KLHL31: variants seen among roughly 807,000 people sequenced by gnomAD.
The protein encoded by KLHL31 is kelch like family member 31.
A neutral mutation model predicts 47.1 loss-of-function variants in KLHL31; 32 were observed. That is an observed-to-expected ratio of 0.68 (90% CI 0.51 to 0.91). The LOEUF is 0.91. KLHL31 is among the 40% of genes least tolerant of loss of function. KLHL31 has a pLI of 0.00. For synonymous variants in KLHL31, 330 were observed against 325.1 expected, an observed-to-expected ratio of 1.01 and a Z score of -0.16; for missense variants, 797 against 819.3, an observed-to-expected ratio of 0.97 and a Z score of 0.33.
At chr6:53,656,931 C>CTTTTTTT (rs10665063) in intron 1 of KLHL31, among the ~76,000 whole-genome samples, 8,072 of 98,220 alleles carry the variant, frequency 0.082, 828 homozygotes, top group East Asian at 0.23. Context: ...GTATTTTTAA[C>CTTTTTTT]TTTTTTTTTT....
chr6:53,653,323 A>G (rs1484127324), intron 2 of KLHL31, among the ~76,000 whole-genome samples: 2 of 152,234 alleles, frequency 1.3e-5, no homozygotes, highest in African/African-American at 4.8e-5. Flanking sequence ...TACACACATA[A>G]TGGAATAATA....
Position 53,649,054 on chromosome 6 carries a change from A to T in KLHL31, c.*2544T>A, listed in dbSNP as rs1764431552. 6.6e-6 allele frequency: 1 copy of T among 152,192 alleles called. No individual in the cohort carries two copies. The highest frequency in any genetic ancestry group is 2.4e-5 in the African/African-American group (1 of 41,456). 9.4% of individuals were successfully genotyped at this position (152,192 alleles called of 1,614,324 possible). On this transcript the variant is annotated 3_prime_UTR_variant, in exon 3 of 3. Transcript: ENST00000370905. ...GAGTAATTGAATGTAAGCTTAAAACATACTAAATATTTTCCACTTGGGAAA... is the reference window on the plus strand; with the variant it reads ...GAGTAATTGAATGTAAGCTTAAAACTTACTAAATATTTTCCACTTGGGAAA...
At position 53,651,666 on chromosome 6, in the gene KLHL31, A is replaced by G. The variant is rs202117315; in HGVS notation, c.1837T>C (p.Ser613Pro). 8.3e-5 allele frequency: 134 copies of G among 1,614,032 alleles called. No individual in the cohort carries two copies. Among genetic ancestry groups the G allele is most frequent in the Non-Finnish European group, 5.3e-5 (63 of 1,180,024 alleles). ...TCCCGAGTCACGTTGTTGGGCATCG[A>G]GAGGGTGCAGCAGGACACGCCGACA... ...ATVGVSCCTL[S>P]MPNNVTRESR... The change falls in exon 3 of 3, where the codon TCG (serine) becomes CCG (proline). Residue 613 changes from serine (S) to proline (P), a missense_variant. Ser to Pro is a moderately conservative substitution (Grantham distance 74, BLOSUM62 -1). Transcript: ENST00000370905.
At chr6:53,653,923 A>G (rs1438120993) in intron 2 of KLHL31, among the ~76,000 whole-genome samples, 178 bp downstream of exon 2, 2 of 152,366 alleles carry the variant, frequency 1.3e-5, no homozygotes, top group African/African-American at 2.4e-5. Context: ...AGTGCAAAAT[A>G]TAAATGAATG....
chr6:53,649,749 T>G lies in KLHL31; in HGVS notation c.*1849A>C, dbSNP rs1764439027. ...ATAAAACACCCTTTTCTCCAAAAAT[T>G]AACCATATACTATAGGCTTCTCAGT... On this transcript the variant is annotated 3_prime_UTR_variant, in exon 3 of 3. Coordinates refer to ENST00000370905, the MANE Select transcript of KLHL31 (RefSeq NM_001003760.5). 6.6e-6 allele frequency: 1 copy of G among 152,178 alleles called. No homozygotes were observed. 9.4% of individuals were successfully genotyped at this position (152,178 alleles called of 1,614,324 possible).
intron 1 of KLHL31, among the ~76,000 whole-genome samples, chr6:53,657,549 A>G (rs1764580430): frequency 1.3e-5 from 2 of 151,256 alleles, no homozygotes; most frequent in Admixed American, 1.3e-4. Context: ...ACATTGTTCA[A>G]CTATTATCCT....
rs745416773 is a variant in KLHL31, at chr6:53,654,100, C to T, written c.1172+1G>A. The T allele has an allele frequency of 1.3e-6, 2 of 1,591,686 alleles. No homozygotes were observed. The highest frequency in any genetic ancestry group is 4.5e-5 in the East Asian group (2 of 44,798). ...TCAGTTCCTAATAAAAGATCAAGTA[C>T]CTGCAGAAATTGCTGACTGCATGCT... On this transcript the variant is annotated splice_donor_variant, in intron 2 of 2. Coordinates refer to ENST00000370905, the MANE Select transcript of KLHL31 (RefSeq NM_001003760.5). LOFTEE classifies it high-confidence loss of function.
chr6:53,664,695 G>A lies in KLHL31; in HGVS notation c.-34+906C>T, dbSNP rs75375403. Among the ~76,000 whole-genome samples the A allele has an allele frequency of 7.7e-3, 1,166 of 152,320 alleles. 16 individuals carry two copies. The highest frequency in any genetic ancestry group is 0.026 in the African/African-American group (1,084 of 41,560). On this transcript the variant is annotated intron_variant, in intron 1 of 2. Coordinates refer to ENST00000370905, the MANE Select transcript of KLHL31 (RefSeq NM_001003760.5). ...ATGCTTCCTGGGAGTCCACAACAGG[G>A]TAAACTGGAAAGCCATGTGTGCTAA...
chr6:53,658,053 A>T (rs1439749370), intron 1 of KLHL31, among the ~76,000 whole-genome samples: 1 of 152,072 alleles, frequency 6.6e-6, no homozygotes, highest in Non-Finnish European at 1.5e-5. Context: ...TCTTTGTTGG[A>T]TTTTCTGGGA....
Position 53,652,308 on chromosome 6 carries a change from A to G in KLHL31, c.1195T>C (p.Trp399Arg). Reference protein sequence around the residue: ...FCRYDPRFNTWIHLASMNQKR... With the variant: ...FCRYDPRFNTRIHLASMNQKR... Reference sequence around the variant, plus strand: ...TGGTTCATGCTGGCCAGGTGTATCCAGGTGTTGAAGCGGGGATCGTATCTG... The same window carrying G: ...TGGTTCATGCTGGCCAGGTGTATCCGGGTGTTGAAGCGGGGATCGTATCTG... The change falls in exon 3 of 3, where the codon TGG (tryptophan) becomes CGG (arginine). Residue 399 changes from tryptophan to arginine, a missense_variant. Coordinates refer to ENST00000370905, the MANE Select transcript of KLHL31 (RefSeq NM_001003760.5). 1 of 1,614,076 alleles carries G rather than the reference A, an allele frequency of 6.2e-7. No individual in the cohort carries two copies. The highest frequency in any genetic ancestry group is 8.5e-7 in the Non-Finnish European group (1 of 1,180,032).
In KLHL31 at chr6:53,663,808, A is replaced by G. The variant is rs1241548841; in HGVS notation, c.-34+1793T>C. Among the ~76,000 whole-genome samples the G allele has an allele frequency of 2.6e-5, 4 of 151,990 alleles. No homozygotes were observed. In the East Asian group the frequency reaches 7.7e-4, roughly 29 times the overall value. ...AGGAGGTTAGAAATTGAGTTTTAAG[A>G]CTGATGCCTTTTTGATTATCATAGA... is the stretch of plus-strand genomic sequence containing the variant. On this transcript the variant is annotated intron_variant, in intron 1 of 2. Coordinates refer to ENST00000370905, the MANE Select transcript of KLHL31 (RefSeq NM_001003760.5).
chr6:53,652,358 C>T lies in KLHL31; in HGVS notation c.1173-28G>A, dbSNP rs184195650. ...GGAAATGATAGAGAAGGTGTAACAG[C>T]TTTGTCGGCGGCAGCTGGGGACCCC... On this transcript the variant is annotated intron_variant, in intron 2 of 2. Transcript: ENST00000370905. 1,766 of 1,610,974 alleles carry T rather than the reference C, an allele frequency of 1.1e-3. 3 individuals carry two copies. The highest frequency in any genetic ancestry group is 5.3e-3 in the Middle Eastern group (32 of 6,056).
intron 1 of KLHL31, among the ~76,000 whole-genome samples, chr6:53,663,636 C>T (rs1764678538): frequency 6.6e-6 from 1 of 152,198 alleles, no homozygotes; most frequent in Non-Finnish European, 1.5e-5. Flanking sequence ...AGTATACAGA[C>T]TCTATGCACT....
intron 1 of KLHL31, among the ~76,000 whole-genome samples, chr6:53,656,931 C>CTTTTTTTTTTTTTT (rs10665063): frequency 7.1e-5 from 7 of 98,428 alleles, no homozygotes; most frequent in Non-Finnish European, 1.3e-4. Flanking sequence ...GTATTTTTAA[C>CTTTTTTTTTTTTTT]TTTTTTTTTT....
chr6:53,662,736 T>C (rs1764665175), intron 1 of KLHL31, among the ~76,000 whole-genome samples: 1 of 152,226 alleles, frequency 6.6e-6, no homozygotes, highest in South Asian at 2.1e-4. Flanking sequence ...TCTTGGGCCA[T>C]TTCTAGTGCC....
Position 53,660,502 on chromosome 6 carries a change from G to A in KLHL31, c.-34+5099C>T, listed in dbSNP as rs370110623. On this transcript the variant is annotated intron_variant, in intron 1 of 2. Transcript: ENST00000370905. ...AAAATGAGGAGAAGGAGAGGAACAG[G>A]CAGGAGACCATTTAAGAAACTTGAA... 1.9e-4 allele frequency among the ~76,000 whole-genome samples: 29 copies of A among 152,256 alleles called. No homozygotes were observed. In the East Asian group the frequency reaches 4.1e-3, roughly 21 times the overall value.
Position 53,654,793 on chromosome 6 carries a change from A to T in KLHL31, c.480T>A (p.Ser160Arg), listed in dbSNP as rs1217880043. Residue 160 changes from serine (S) to arginine (R), a missense_variant, in exon 2 of 3, where the codon AGT (serine) becomes AGA (arginine). By Grantham distance (110) the Ser-to-Arg change is moderately radical. Coordinates refer to ENST00000370905, the MANE Select transcript of KLHL31 (RefSeq NM_001003760.5). ...LQIHTLVKMC[S>R]DFLIREMSVE... ...CACTCATCTCCCGTATCAGAAAATCACTGCACATCTTTACAAGAGTATGGA... is the reference window on the plus strand; with the variant it reads ...CACTCATCTCCCGTATCAGAAAATCTCTGCACATCTTTACAAGAGTATGGA... 1.9e-6 allele frequency: 3 copies of T among 1,614,150 alleles called. No homozygotes were observed. Among genetic ancestry groups the T allele is most frequent in the Non-Finnish European group, 2.5e-6 (3 of 1,180,030 alleles).
rs369195807 is a variant in KLHL31, at chr6:53,661,201, G to A, written c.-34+4400C>T. ...TGCTTTTCTCAACTTAAGGAGAACC[G>A]TAGTCTAGTAAGAATCAATAAGCCA... is the stretch of plus-strand genomic sequence containing the variant. On this transcript the variant is annotated intron_variant, in intron 1 of 2. Transcript: ENST00000370905. Among the ~76,000 whole-genome samples, 86 of 152,330 alleles carry A rather than the reference G, an allele frequency of 5.6e-4. No homozygotes were observed. In the South Asian group the frequency reaches 5.8e-3, roughly 10 times the overall value.
At chr6:53,665,045 AT>A (rs764011866) in intron 1 of KLHL31, among the ~76,000 whole-genome samples, 5,266 of 128,764 alleles carry the variant, frequency 0.041, 93 homozygotes, top group Middle Eastern at 0.065. Context: ...CAAATAACAA[AT>A]TTTTTTTTTT....
Sources: allele counts gnomAD v4.1 joint callset (sites outside exome capture counted in the v4.1 genomes callset), GRCh38; gene constraint gnomAD v4.1.1; transcripts MANE v1.5; gene names NCBI Gene and HGNC (gene_info 2026-07-23, HGNC 2026-07-21).